The following DTNB variants were observed in gnomAD, a reference collection of about 807,000 sequenced individuals.
DTNB encodes the protein DTN-B.
In DTNB, 63 loss-of-function variants were observed where a neutral mutation model predicts 90.7. The observed-to-expected ratio is 0.69, with a 90% CI of 0.57 to 0.86. The LOEUF is 0.86. DTNB is among the 40% of genes least tolerant of loss of function. The probability of loss-of-function intolerance (pLI) is 0.00; values close to 1 mark genes in which losing one functional copy is unlikely to be tolerated. For synonymous variants in DTNB, 277 were observed against 286.7 expected, an observed-to-expected ratio of 0.97 and a Z score of 0.34; for missense variants, 744 against 807.1, an observed-to-expected ratio of 0.92 and a Z score of 0.95.
chr2:25,436,444 C>A (rs2055804742), intron 12 of DTNB, among the ~76,000 whole-genome samples: 1 of 152,106 alleles, frequency 6.6e-6, no homozygotes, highest in Admixed American at 6.5e-5. Flanking sequence ...TCCACGATGA[C>A]CCTGCTTCAC....
At chr2:25,406,569 C>G (rs6546149) in intron 16 of DTNB, among the ~76,000 whole-genome samples, 57,313 of 151,462 alleles carry the variant, frequency 0.38, 11,637 homozygotes, top group East Asian at 0.6. Flanking sequence ...ACCAGCTTGG[C>G]CAACATTGGC....
chr2:25,573,012 C>T (rs1288296924), intron 8 of DTNB, among the ~76,000 whole-genome samples: 1 of 151,992 alleles, frequency 6.6e-6, no homozygotes, highest in Non-Finnish European at 1.5e-5. Context: ...ACGATCTCGG[C>T]TCACTGCAAC....
chr2:25,536,627 G>A (rs971144041), intron 8 of DTNB, among the ~76,000 whole-genome samples: 8 of 152,116 alleles, frequency 5.3e-5, no homozygotes, highest in Admixed American at 4.6e-4. Context: ...ACCGGAGCCC[G>A]AGGCAGGGAG....
At chr2:25,508,834 C>T (rs2073215566) in intron 9 of DTNB, among the ~76,000 whole-genome samples, 1 of 152,174 alleles carries the variant, frequency 6.6e-6, no homozygotes, top group Admixed American at 6.6e-5. Context: ...GCACCCGGCC[C>T]TAAAATTTCT....
chr2:25,614,197 T>C (rs566132623), intron 4 of DTNB, among the ~76,000 whole-genome samples: 2 of 152,260 alleles, frequency 1.3e-5, no homozygotes, highest in South Asian at 4.1e-4. Context: ...ACAATGGGCA[T>C]CTTTAAAAAT....
At position 25,424,671 on chromosome 2, in the gene DTNB, A is replaced by ATTT. The variant is rs751578087; in HGVS notation, c.1554+2861_1554+2863dup. On this transcript the variant is annotated intron_variant, in intron 15 of 20. Coordinates refer to ENST00000406818, the MANE Select transcript of DTNB (RefSeq NM_021907.5). This position sits in a 1 kb window ranked among gnomAD's most constrained non-coding sequence, Gnocchi z 4.1. ...CAGGGAAGAGGTGAGTGGATCCCCTATTTTTTTTTTTTTTGAGACTGAGTC... is the reference window on the plus strand; with the variant it reads ...CAGGGAAGAGGTGAGTGGATCCCCTATTTTTTTTTTTTTTTTTGAGACTGAGTC... Among the ~76,000 whole-genome samples the ATTT allele has an allele frequency of 4.2e-5, 6 of 141,826 alleles. No individual in the cohort carries two copies. The highest frequency in any genetic ancestry group is 1.5e-4 in the African/African-American group (6 of 38,786). The allele number at this position is 141,826 out of a possible 152,430, so 93.0% of individuals were successfully genotyped here. A position where few individuals can be genotyped will look rare whatever the true frequency, so the allele number is the denominator to read the frequency against.
intron 1 of DTNB, among the ~76,000 whole-genome samples, chr2:25,653,337 C>T (rs1228340919): frequency 6.6e-6 from 1 of 150,896 alleles, no homozygotes; most frequent in Non-Finnish European, 1.5e-5. Context: ...TTTTCTCTTG[C>T]TGCTGCCATG....
chr2:25,566,735 A>C (rs2059101206), intron 8 of DTNB, among the ~76,000 whole-genome samples: 1 of 152,166 alleles, frequency 6.6e-6, no homozygotes, highest in African/African-American at 2.4e-5. Context: ...ATAAATAACC[A>C]CCTGAAAGGG....
intron 10 of DTNB, among the ~76,000 whole-genome samples, chr2:25,459,308 T>C (rs544924568): frequency 3.9e-5 from 6 of 152,226 alleles, no homozygotes; most frequent in African/African-American, 1.4e-4. Flanking sequence ...TCGTTTTCAG[T>C]CATTTTCCTC....
At chr2:25,414,305 G>C (rs554256606) in intron 16 of DTNB, among the ~76,000 whole-genome samples, 58 of 152,234 alleles carry the variant, frequency 3.8e-4, no homozygotes, top group Middle Eastern at 3.4e-3. Context: ...GCTGAAGTGC[G>C]GAGTGCAGTG....
intron 6 of DTNB, among the ~76,000 whole-genome samples, chr2:25,594,123 C>G (rs1301240552): frequency 6.6e-6 from 1 of 152,218 alleles, no homozygotes. Context: ...CTCATCTTCA[C>G]TTACGTCCCT....
chr2:25,599,644 T>C (rs2065422064), intron 5 of DTNB, among the ~76,000 whole-genome samples: 1 of 152,048 alleles, frequency 6.6e-6, no homozygotes, highest in South Asian at 2.1e-4. Context: ...TGGCCCAAAC[T>C]AGCAAATTTT....
chr2:25,666,336 A>AT (rs1412486385), intron 1 of DTNB, among the ~76,000 whole-genome samples: 1 of 152,216 alleles, frequency 6.6e-6, no homozygotes, highest in African/African-American at 2.4e-5. Context: ...TCAACACCCA[A>AT]TTAAAAATAT....
chr2:25,478,153 T>C (rs2064119896), intron 10 of DTNB, among the ~76,000 whole-genome samples: 1 of 152,200 alleles, frequency 6.6e-6, no homozygotes, highest in South Asian at 2.1e-4. Context: ...AATTATCCTA[T>C]TTGGAGATCT....
At chr2:25,482,667 G>T in intron 10 of DTNB, 129 bp downstream of exon 10, 1 of 884,304 alleles carries the variant, frequency 1.1e-6, no homozygotes, top group Non-Finnish European at 1.8e-6. Context: ...GACGGTCAAA[G>T]GAAGAGAAAG....
At chr2:25,426,055 G>A (rs2051477740) in intron 15 of DTNB, among the ~76,000 whole-genome samples, 1 of 152,164 alleles carries the variant, frequency 6.6e-6, no homozygotes, top group African/African-American at 2.4e-5. Flanking sequence ...TATTATGCAT[G>A]TATTTAGTTC....
intron 12 of DTNB, among the ~76,000 whole-genome samples, chr2:25,435,644 G>A: frequency 6.6e-6 from 1 of 152,180 alleles, no homozygotes; most frequent in East Asian, 1.9e-4. Flanking sequence ...TTCATCAGCT[G>A]ATGAACATTT....
At chr2:25,568,708 T>C (rs768645310) in intron 8 of DTNB, among the ~76,000 whole-genome samples, 1 of 152,072 alleles carries the variant, frequency 6.6e-6, no homozygotes, top group Non-Finnish European at 1.5e-5. Context: ...TGGGACAGAG[T>C]GTAATTTCCA....
At chr2:25,537,098 G>C (rs1267816047) in intron 8 of DTNB, among the ~76,000 whole-genome samples, 3 of 151,982 alleles carry the variant, frequency 2.0e-5, no homozygotes, top group African/African-American at 7.3e-5. Flanking sequence ...CTTCTGAGGG[G>C]TAGGATCTAC....
Sources: gnomAD v4.1 joint callset for allele counts (sites outside exome capture counted in the v4.1 genomes callset) on GRCh38, gnomAD v4.1.1 for gene constraint, Gnocchi (gnomAD v3.1) non-coding constraint, MANE v1.5 for transcripts, NCBI Gene and HGNC (gene_info 2026-07-23, HGNC 2026-07-21) for gene names.